The following ADIPOR2 variants were observed in gnomAD, a reference collection of about 807,000 sequenced individuals.
The protein encoded by ADIPOR2 is adiponectin receptor protein 2.
ADIPOR2 carries 18 observed loss-of-function variants against 40.9 expected under a neutral mutation model. The ratio of observed to expected loss-of-function variants is 0.44; its 90% CI spans 0.30 to 0.65. ADIPOR2 has a LOEUF of 0.65. Among genes scored for constraint, ADIPOR2 ranks in the 30% least tolerant of loss-of-function variants. The pLI, the probability that ADIPOR2 is intolerant of heterozygous loss-of-function variation, is 0.09. For missense variants in ADIPOR2, 283 were observed against 479.2 expected, an observed-to-expected ratio of 0.59 and a Z score of 3.82; for synonymous variants, 165 against 166.4, an observed-to-expected ratio of 0.99 and a Z score of 0.06.
At chr12:1,736,272 G>T (rs1382789690) in intron 1 of ADIPOR2, among the ~76,000 whole-genome samples, 2 of 152,092 alleles carry the variant, frequency 1.3e-5, no homozygotes, top group Non-Finnish European at 2.9e-5. Context: ...CAATTTCAGA[G>T]CCTGTTATTG....
chr12:1,719,710 C>G, intron 1 of ADIPOR2, among the ~76,000 whole-genome samples: 1 of 148,710 alleles, frequency 6.7e-6, no homozygotes, highest in Non-Finnish European at 1.5e-5. Flanking sequence ...TAGTCTTGCT[C>G]TGTCCCCAGG....
chr12:1,733,543 A>G (rs958139909), intron 1 of ADIPOR2, among the ~76,000 whole-genome samples: 2 of 152,140 alleles, frequency 1.3e-5, no homozygotes, highest in Non-Finnish European at 2.9e-5. Context: ...TTTAAAAGGT[A>G]TCTTTTGAAT....
intron 3 of ADIPOR2, among the ~76,000 whole-genome samples, chr12:1,774,014 C>A (rs1862538532): frequency 6.6e-6 from 1 of 152,028 alleles, no homozygotes; most frequent in Admixed American, 6.5e-5. Context: ...AAAATTTTAG[C>A]CAGTTTGAAA....
intron 2 of ADIPOR2, chr12:1,757,949 A>T (rs755923775): frequency 9.7e-6 from 10 of 1,028,936 alleles, no homozygotes; most frequent in African/African-American, 1.6e-5. Flanking sequence ...CGGTCAATTT[A>T]TCCAGCATCC....
intron 1 of ADIPOR2, among the ~76,000 whole-genome samples, chr12:1,731,572 G>A (rs1329258027): frequency 6.6e-6 from 1 of 152,124 alleles, no homozygotes; most frequent in Middle Eastern, 3.2e-3. Flanking sequence ...CAGTTTGCCT[G>A]TTCTAAGTAT....
At chr12:1,722,869 GACTC>G (rs1055038941) in intron 1 of ADIPOR2, among the ~76,000 whole-genome samples, 1 of 152,114 alleles carries the variant, frequency 6.6e-6, no homozygotes, top group African/African-American at 2.4e-5. Context: ...CCTGTATTTG[GACTC>G]ACTCACTTTG....
chr12:1,692,106 C>T (rs916403214), intron 1 of ADIPOR2, among the ~76,000 whole-genome samples: 1 of 149,284 alleles, frequency 6.7e-6, no homozygotes, highest in Non-Finnish European at 1.5e-5. Flanking sequence ...TTTTATCACC[C>T]CTTCCCCTCA....
chr12:1,723,966 A>G (rs1592589210), intron 1 of ADIPOR2, among the ~76,000 whole-genome samples: 1 of 152,064 alleles, frequency 6.6e-6, no homozygotes, highest in Admixed American at 6.6e-5. Context: ...TGTTACTGGT[A>G]TACATACAAA....
At chr12:1,723,899 T>C (rs762982172) in intron 1 of ADIPOR2, among the ~76,000 whole-genome samples, 2 of 152,196 alleles carry the variant, frequency 1.3e-5, no homozygotes, top group Non-Finnish European at 2.9e-5. Flanking sequence ...AGCAGCATTA[T>C]TGACAAATGC....
At chr12:1,776,952 C>A (rs1592630533) in intron 3 of ADIPOR2, among the ~76,000 whole-genome samples, 1 of 152,174 alleles carries the variant, frequency 6.6e-6, no homozygotes. Context: ...GAAGGAGCTG[C>A]AGGTTGGAGG....
chr12:1,745,106 G>GGA (rs2094752153), intron 1 of ADIPOR2, among the ~76,000 whole-genome samples: 1 of 152,158 alleles, frequency 6.6e-6, no homozygotes. Context: ...GGAATGAGCA[G>GGA]GAACCTTGTG....
intron 2 of ADIPOR2, among the ~76,000 whole-genome samples, chr12:1,763,369 T>C (rs1317122156): frequency 1.3e-5 from 2 of 152,234 alleles, no homozygotes; most frequent in Admixed American, 1.3e-4. Context: ...TGGGTGTTTC[T>C]TCTTTTGTAA....
intron 1 of ADIPOR2, among the ~76,000 whole-genome samples, chr12:1,753,783 A>C (rs1442514791): frequency 6.6e-6 from 1 of 151,998 alleles, no homozygotes; most frequent in Admixed American, 6.6e-5. Flanking sequence ...TAATATATAA[A>C]CTTACATATA....
At chr12:1,738,005 A>G (rs1460737192) in intron 1 of ADIPOR2, among the ~76,000 whole-genome samples, 2 of 152,092 alleles carry the variant, frequency 1.3e-5, no homozygotes, top group Non-Finnish European at 2.9e-5. Flanking sequence ...AGGGGTGGGA[A>G]TAAATGTCAC....
chr12:1,704,736 C>A (rs946832749), intron 1 of ADIPOR2, among the ~76,000 whole-genome samples: 4 of 152,092 alleles, frequency 2.6e-5, no homozygotes, highest in Admixed American at 6.6e-5. Context: ...AGTATGAAGA[C>A]CATTTTTGTT....
chr12:1,738,104 A>G, intron 1 of ADIPOR2, among the ~76,000 whole-genome samples: 1 of 150,126 alleles, frequency 6.7e-6, no homozygotes, highest in East Asian at 2.0e-4. Context: ...TGGGTGTGGT[A>G]GCTCTTGCCT....
intron 1 of ADIPOR2, among the ~76,000 whole-genome samples, chr12:1,724,685 TTTTTG>T (rs1350943019): frequency 6.6e-6 from 1 of 152,106 alleles, no homozygotes; most frequent in East Asian, 1.9e-4. Flanking sequence ...CTGGCTAATT[TTTTTG>T]TTTTGTTTTG....
intron 1 of ADIPOR2, among the ~76,000 whole-genome samples, chr12:1,699,974 T>G (rs1257452648): frequency 6.6e-6 from 1 of 152,236 alleles, no homozygotes; most frequent in Admixed American, 6.5e-5. Context: ...AAAGGGAAGC[T>G]AAATTCTGAG....
chr12:1,716,024 T>C (rs1050532695), intron 1 of ADIPOR2, among the ~76,000 whole-genome samples: 3 of 152,166 alleles, frequency 2.0e-5, no homozygotes, highest in African/African-American at 7.2e-5. Context: ...CAGTAAATCT[T>C]GCTGCTGCTC....
Sources: allele counts gnomAD v4.1 joint callset (sites outside exome capture counted in the v4.1 genomes callset), GRCh38; gene constraint gnomAD v4.1.1; transcripts MANE v1.5; gene names NCBI Gene and HGNC (gene_info 2026-07-23, HGNC 2026-07-21).